Variants in KCNJ3 observed in about 807,000 individuals in gnomAD.
KCNJ3 encodes the protein G protein-activated inward rectifier potassium channel 1.
Under a neutral mutation model 39.2 loss-of-function variants are expected in KCNJ3, and 4 were observed. The observed-to-expected ratio is 0.10, with a 90% CI of 0.05 to 0.23. The LOEUF (loss-of-function observed/expected upper bound fraction) is 0.23. KCNJ3 is among the 10% of genes least tolerant of loss of function. KCNJ3 has a pLI of 1.00. For synonymous variants in KCNJ3, 230 were observed against 237.4 expected, an observed-to-expected ratio of 0.97 and a Z score of 0.29; for missense variants, 276 against 634.9, an observed-to-expected ratio of 0.43 and a Z score of 6.08.
Position 154,781,046 on chromosome 2 carries a change from G to C in KCNJ3, c.919+71227G>C, listed in dbSNP as rs1216704689. On this transcript the variant is annotated intron_variant, in intron 2 of 2. Coordinates refer to ENST00000295101, the MANE Select transcript of KCNJ3 (RefSeq NM_002239.4). ...TGGTCCTTAAATGAGGACGAGAAAG[G>C]CAAGAGAGTCAGCTTCAGAGTGATG... Among the ~76,000 whole-genome samples the C allele has an allele frequency of 2.0e-5, 3 of 152,140 alleles. No individual in the cohort carries two copies. The South Asian group carries it at 6.2e-4, about 31-fold the overall frequency.
chr2:154,847,095 CT>C (rs1325615209), intron 2 of KCNJ3, among the ~76,000 whole-genome samples: 1 of 152,074 alleles, frequency 6.6e-6, no homozygotes, highest in Non-Finnish European at 1.5e-5. Context: ...GAGATTCCAT[CT>C]TTTTGAAAAC....
At chr2:154,770,781 A>G (rs1250700875) in intron 2 of KCNJ3, among the ~76,000 whole-genome samples, 2 of 152,224 alleles carry the variant, frequency 1.3e-5, no homozygotes, top group Non-Finnish European at 2.9e-5. Flanking sequence ...TCAAGACATC[A>G]TTTTGAAGGT....
At chr2:154,780,969 AAAG>A (rs1398593562) in intron 2 of KCNJ3, among the ~76,000 whole-genome samples, 4 of 152,196 alleles carry the variant, frequency 2.6e-5, no homozygotes, top group African/African-American at 4.8e-5. Context: ...GCTGACTATA[AAAG>A]AAGATTATTC....
At chr2:154,800,901 G>A (rs1686807541) in intron 2 of KCNJ3, among the ~76,000 whole-genome samples, 1 of 152,142 alleles carries the variant, frequency 6.6e-6, no homozygotes, top group African/African-American at 2.4e-5. Flanking sequence ...CAGAATTCTT[G>A]GCGGTACCAT....
chr2:154,807,019 A>G (rs1375438212), intron 2 of KCNJ3, among the ~76,000 whole-genome samples: 6 of 152,184 alleles, frequency 3.9e-5, no homozygotes, highest in African/African-American at 1.2e-4. Context: ...CTCTGTTTCC[A>G]TAATGGTGTC....
intron 2 of KCNJ3, among the ~76,000 whole-genome samples, chr2:154,831,853 G>C (rs1399377014): frequency 6.6e-6 from 1 of 152,084 alleles, no homozygotes; most frequent in Non-Finnish European, 1.5e-5. Context: ...CCAAAGCTAG[G>C]TACATTATAA....
chr2:154,801,018 A>G (rs1686809254), intron 2 of KCNJ3, among the ~76,000 whole-genome samples: 1 of 152,130 alleles, frequency 6.6e-6, no homozygotes, highest in Non-Finnish European at 1.5e-5. Context: ...TTTAGCATCT[A>G]TCTTAGACAG....
chr2:154,803,397 TATA>T (rs1686854973), intron 2 of KCNJ3, among the ~76,000 whole-genome samples: 1 of 151,918 alleles, frequency 6.6e-6, no homozygotes, highest in Non-Finnish European at 1.5e-5. Flanking sequence ...CTTGGACTTT[TATA>T]ATGTTATTTT....
intron 2 of KCNJ3, among the ~76,000 whole-genome samples, chr2:154,747,502 G>T (rs992140723): frequency 2.5e-4 from 38 of 151,954 alleles, no homozygotes; most frequent in African/African-American, 8.9e-4. Flanking sequence ...AAGGAAGAGT[G>T]ATACTAATCT....
chr2:154,779,784 C>T (rs755252786), intron 2 of KCNJ3, among the ~76,000 whole-genome samples: 15 of 152,026 alleles, frequency 9.9e-5, no homozygotes, highest in South Asian at 8.3e-4. Flanking sequence ...CCTCCTGATC[C>T]GCCCACCTTG....
chr2:154,789,196 T>C (rs902078903), intron 2 of KCNJ3, among the ~76,000 whole-genome samples: 2 of 152,106 alleles, frequency 1.3e-5, no homozygotes, highest in Non-Finnish European at 2.9e-5. Context: ...ATATTAGATT[T>C]TTTAATCAAC....
chr2:154,703,617 A>G (rs1041882287), intron 1 of KCNJ3, among the ~76,000 whole-genome samples: 2 of 152,008 alleles, frequency 1.3e-5, no homozygotes, highest in Non-Finnish European at 2.9e-5. Context: ...CTGAAAGACC[A>G]TATATGTCCT....
intron 2 of KCNJ3, among the ~76,000 whole-genome samples, chr2:154,825,321 T>TA (rs1332386048): frequency 6.6e-6 from 1 of 152,186 alleles, no homozygotes; most frequent in Non-Finnish European, 1.5e-5. Flanking sequence ...GTGTTGTATT[T>TA]AAAAATCTAT....
At chr2:154,849,473 C>CTT (rs2105138040) in intron 2 of KCNJ3, among the ~76,000 whole-genome samples, 1 of 152,202 alleles carries the variant, frequency 6.6e-6, no homozygotes, top group African/African-American at 2.4e-5. Context: ...ATCCCTCTAT[C>CTT]TTTCCTCCTT....
intron 2 of KCNJ3, among the ~76,000 whole-genome samples, chr2:154,720,067 A>G (rs1685244141): frequency 6.6e-6 from 1 of 152,108 alleles, no homozygotes; most frequent in Admixed American, 6.6e-5. Context: ...TATTGAAAAT[A>G]CATGTTCAAT....
intron 2 of KCNJ3, among the ~76,000 whole-genome samples, chr2:154,796,993 A>G (rs1686731169): frequency 6.6e-6 from 1 of 152,184 alleles, no homozygotes; most frequent in Admixed American, 6.5e-5. Context: ...GCACATACCT[A>G]TTGAGCAATG....
At chr2:154,766,391 A>ACT (rs1686133953) in intron 2 of KCNJ3, among the ~76,000 whole-genome samples, 1 of 152,136 alleles carries the variant, frequency 6.6e-6, no homozygotes, top group Non-Finnish European at 1.5e-5. Flanking sequence ...GAAACTTAGG[A>ACT]AAGATAAAGG....
intron 2 of KCNJ3, among the ~76,000 whole-genome samples, chr2:154,798,103 A>T (rs1196537166): frequency 6.6e-6 from 1 of 151,806 alleles, no homozygotes; most frequent in Non-Finnish European, 1.5e-5. Flanking sequence ...AAGCATTCAC[A>T]TACACCCCAC....
intron 2 of KCNJ3, among the ~76,000 whole-genome samples, chr2:154,812,104 G>T (rs993376544): frequency 1.3e-5 from 2 of 152,088 alleles, no homozygotes; most frequent in Non-Finnish European, 2.9e-5. Context: ...TGTTTAAGAT[G>T]CATTTTAAGA....
Sources: gnomAD v4.1 joint callset for allele counts (sites outside exome capture counted in the v4.1 genomes callset) on GRCh38, gnomAD v4.1.1 for gene constraint, MANE v1.5 for transcripts, NCBI Gene and HGNC (gene_info 2026-07-23, HGNC 2026-07-21) for gene names.